Variants in TBC1D32 observed in about 807,000 individuals in gnomAD.
The protein encoded by TBC1D32 is protein broad-minded.
In TBC1D32, 151 loss-of-function variants were observed where a neutral mutation model predicts 170.3. The observed-to-expected ratio is 0.89, with a 90% CI of 0.78 to 1.01. The LOEUF (loss-of-function observed/expected upper bound fraction) is 1.01, where lower values mean the gene tolerates loss of function less well. Ranked by LOEUF, TBC1D32 falls within the 50% of genes least tolerant of loss-of-function variation. The pLI, the probability that TBC1D32 is intolerant of heterozygous loss-of-function variation, is 0.00. For missense variants in TBC1D32, 1,464 were observed against 1,457.1 expected (o/e 1.00, Z -0.08); for synonymous variants, 498 against 488.0 (o/e 1.02, Z -0.27).
At chr6:121,326,334 A>T (rs1028667346) in intron 1 of TBC1D32, among the ~76,000 whole-genome samples, 10 of 152,182 alleles carry the variant, frequency 6.6e-5, no homozygotes, top group Admixed American at 1.3e-4. Context: ...AATACATTAT[A>T]CAGTTTCAAA....
intron 11 of TBC1D32, among the ~76,000 whole-genome samples, chr6:121,293,261 A>G (rs552677143): frequency 6.6e-6 from 1 of 151,224 alleles, no homozygotes; most frequent in East Asian, 1.9e-4. Context: ...TCAAGAAATT[A>G]GAAAAATCTG....
intron 31 of TBC1D32, among the ~76,000 whole-genome samples, chr6:121,083,505 T>C (rs1775859843): frequency 6.6e-6 from 1 of 152,094 alleles, no homozygotes; most frequent in Non-Finnish European, 1.5e-5. Flanking sequence ...ATGTATTCAA[T>C]ATTATATAAT....
At chr6:121,120,485 G>A (rs1372907356) in intron 26 of TBC1D32, among the ~76,000 whole-genome samples, 4 of 151,970 alleles carry the variant, frequency 2.6e-5, no homozygotes, top group Admixed American at 2.6e-4. Flanking sequence ...CTAAAGAAAT[G>A]CCCACTTTGG....
intron 5 of TBC1D32, among the ~76,000 whole-genome samples, chr6:121,305,705 A>G (rs897655304): frequency 1.3e-5 from 2 of 152,098 alleles, no homozygotes; most frequent in Non-Finnish European, 2.9e-5. Context: ...ACTGATAGGT[A>G]TCTGTCATAC....
At chr6:121,126,566 A>C in intron 25 of TBC1D32, 105 bp from the exon 26 acceptor site, 1 of 754,032 alleles carries the variant, frequency 1.3e-6, no homozygotes, top group Non-Finnish European at 2.2e-6. Context: ...TGAACTTCAC[A>C]GATACACTCT....
chr6:121,251,646 C>A (rs972853677), intron 17 of TBC1D32, among the ~76,000 whole-genome samples: 1 of 152,070 alleles, frequency 6.6e-6, no homozygotes, highest in Non-Finnish European at 1.5e-5. Flanking sequence ...TAGGCATGGG[C>A]AAAAACTTCA....
chr6:121,202,907 G>A (rs1791777491), intron 22 of TBC1D32, among the ~76,000 whole-genome samples: 1 of 151,494 alleles, frequency 6.6e-6, no homozygotes, highest in African/African-American at 2.4e-5. Flanking sequence ...CTTCATCTGA[G>A]TGTTGTGATA....
intron 21 of TBC1D32, among the ~76,000 whole-genome samples, chr6:121,216,663 A>T (rs1793862748): frequency 6.6e-6 from 1 of 152,188 alleles, no homozygotes. Context: ...TATGTAATAC[A>T]TTTGACCATA....
At chr6:121,143,550 A>AT (rs1268140899) in intron 24 of TBC1D32, among the ~76,000 whole-genome samples, 1 of 152,106 alleles carries the variant, frequency 6.6e-6, no homozygotes, top group Non-Finnish European at 1.5e-5. Flanking sequence ...AACCGAAGTG[A>AT]TTTTTTTCCC....
chr6:121,157,917 C>T lies in TBC1D32; in HGVS notation c.2773+2093G>A, dbSNP rs1785118472. On this transcript the variant is annotated intron_variant, in intron 24 of 31. Transcript: ENST00000398212. ...CCTTTGTAGGTGACCCAACCTTTCT[C>T]TCTAGCTGCCTTTAAGTTTTTTCTT... 2.6e-5 allele frequency among the ~76,000 whole-genome samples: 4 copies of T among 152,234 alleles called. No homozygotes were observed. The South Asian group carries it at 8.3e-4, about 32-fold the overall frequency.
At chr6:121,231,662 C>T (rs1795756182) in intron 20 of TBC1D32, among the ~76,000 whole-genome samples, 1 of 151,796 alleles carries the variant, frequency 6.6e-6, no homozygotes, top group Non-Finnish European at 1.5e-5. Context: ...ATGGATTTCC[C>T]TATTAGTGAT....
chr6:121,248,469 G>A (rs1212798538), intron 17 of TBC1D32, among the ~76,000 whole-genome samples: 2 of 151,722 alleles, frequency 1.3e-5, no homozygotes, highest in Non-Finnish European at 2.9e-5. Context: ...ACCAAGATCA[G>A]AGGAGAATTA....
chr6:121,250,347 G>A (rs151247429), intron 17 of TBC1D32, among the ~76,000 whole-genome samples: 3,640 of 152,132 alleles, frequency 0.024, 161 homozygotes, highest in East Asian at 0.12. Context: ...ATAAAATACT[G>A]ACAAACCAAA....
chr6:121,245,266 C>A (rs1217187772), intron 17 of TBC1D32, among the ~76,000 whole-genome samples: 2 of 152,202 alleles, frequency 1.3e-5, no homozygotes, highest in African/African-American at 2.4e-5. Flanking sequence ...GACTTGAAGA[C>A]AGGTCACATC....
intron 24 of TBC1D32, among the ~76,000 whole-genome samples, chr6:121,133,118 C>T (rs770561016): frequency 1.1e-4 from 17 of 151,870 alleles, no homozygotes; most frequent in Non-Finnish European, 2.2e-4. Context: ...AAGATTAACA[C>T]TACAAAATCA....
At chr6:121,184,431 C>T (rs1225242679) in intron 22 of TBC1D32, among the ~76,000 whole-genome samples, 2 of 151,740 alleles carry the variant, frequency 1.3e-5, no homozygotes, top group African/African-American at 4.8e-5. Flanking sequence ...ATTGCTACAT[C>T]TCACATTAAC....
chr6:121,267,248 C>T (rs1404910342), intron 15 of TBC1D32, among the ~76,000 whole-genome samples: 6 of 152,086 alleles, frequency 3.9e-5, no homozygotes, highest in African/African-American at 1.4e-4. Flanking sequence ...ACTAAGGTAC[C>T]AGATTCATCT....
chr6:121,289,672 A>G (rs937121925), intron 12 of TBC1D32, among the ~76,000 whole-genome samples: 4 of 152,184 alleles, frequency 2.6e-5, no homozygotes, highest in Admixed American at 1.3e-4. Context: ...TGGAACCAAA[A>G]AAGAGCCCGC....
intron 24 of TBC1D32, among the ~76,000 whole-genome samples, chr6:121,154,436 C>A (rs113518791): frequency 1.3e-5 from 2 of 152,168 alleles, no homozygotes; most frequent in African/African-American, 2.4e-5. Flanking sequence ...GTTCCTATTA[C>A]GCCATCTTGT....
Sources: allele counts gnomAD v4.1 joint callset (sites outside exome capture counted in the v4.1 genomes callset), GRCh38; gene constraint gnomAD v4.1.1; transcripts MANE v1.5; gene names NCBI Gene and HGNC (gene_info 2026-07-23, HGNC 2026-07-21).